Variants in SLC8A1 observed in about 807,000 individuals in gnomAD.
SLC8A1 encodes the protein solute carrier family 8 member A1.
A neutral mutation model predicts 68.3 loss-of-function variants in SLC8A1; 18 were observed. That is an observed-to-expected ratio of 0.26 (90% CI 0.18 to 0.39). The LOEUF (loss-of-function observed/expected upper bound fraction) is 0.39. Among genes scored for constraint, SLC8A1 ranks in the 10% least tolerant of loss-of-function variants. SLC8A1 has a pLI of 1.00. For synonymous variants in SLC8A1, 475 were observed against 415.5 expected (o/e 1.14, Z -1.74); for missense variants, 985 against 1,156.7 (o/e 0.85, Z 2.15).
chr2:40,491,367 G>C (rs1330151186), intron 1 of SLC8A1, among the ~76,000 whole-genome samples: 1 of 152,114 alleles, frequency 6.6e-6, no homozygotes. Flanking sequence ...TTGCTTATCA[G>C]CTTAAGGAGA....
intron 6 of SLC8A1, among the ~76,000 whole-genome samples, chr2:40,159,023 T>C (rs893126780): frequency 1.3e-5 from 2 of 152,154 alleles, no homozygotes; most frequent in East Asian, 3.8e-4. Context: ...TGTTTCCTTG[T>C]TCTTGAGAGT....
intron 2 of SLC8A1, among the ~76,000 whole-genome samples, chr2:40,423,891 T>C (rs1420451353): frequency 2.0e-5 from 3 of 147,180 alleles, no homozygotes; most frequent in African/African-American, 8.1e-5. Flanking sequence ...GCAGATGATA[T>C]TATATGTGAT....
At chr2:40,318,551 C>A (rs1174581533) in intron 2 of SLC8A1, among the ~76,000 whole-genome samples, 2 of 151,838 alleles carry the variant, frequency 1.3e-5, no homozygotes, top group African/African-American at 2.4e-5. Flanking sequence ...GTGATGAAAC[C>A]AGAATCACCT....
intron 7 of SLC8A1, among the ~76,000 whole-genome samples, chr2:40,131,858 A>ATTTTTTTTTTT (rs71404277): frequency 6.3e-5 from 6 of 95,558 alleles, no homozygotes; most frequent in Non-Finnish European, 7.9e-5. Context: ...TTGGTATTCT[A>ATTTTTTTTTTT]TTTTTTTTTT....
At chr2:40,430,194 A>C in exon 2 of SLC8A1, 1 of 1,613,756 alleles carries the variant, frequency 6.2e-7, no homozygotes, top group Non-Finnish European at 8.5e-7. Context: ...CATGGTCCAC[A>C]TGGGAAAATA....
exon 8 of SLC8A1, chr2:40,102,062 C>A: frequency 6.6e-6 from 1 of 152,098 alleles, no homozygotes; most frequent in East Asian, 1.9e-4. Flanking sequence ...GACATTCTTA[C>A]AATGTGGGTA....
chr2:40,291,823 T>C (rs2069380346), intron 2 of SLC8A1, among the ~76,000 whole-genome samples: 1 of 152,148 alleles, frequency 6.6e-6, no homozygotes. Flanking sequence ...TGAGCTAAAA[T>C]GGATGTACTC....
At chr2:40,361,707 G>T (rs1674678090) in intron 2 of SLC8A1, among the ~76,000 whole-genome samples, 1 of 151,814 alleles carries the variant, frequency 6.6e-6, no homozygotes, top group Non-Finnish European at 1.5e-5. Flanking sequence ...AACACACGGA[G>T]GTAGACCAAA....
At chr2:40,406,689 T>C (rs1252767320) in intron 2 of SLC8A1, among the ~76,000 whole-genome samples, 2 of 152,152 alleles carry the variant, frequency 1.3e-5, no homozygotes, top group Non-Finnish European at 2.9e-5. Context: ...GTGTGTGCAG[T>C]GCTGAGAGGT....
chr2:40,232,467 C>A (rs918049726), intron 2 of SLC8A1, among the ~76,000 whole-genome samples: 95 of 149,744 alleles, frequency 6.3e-4, no homozygotes, highest in African/African-American at 2.3e-3. Context: ...TTTCGAATGG[C>A]CTCTATTTAC....
intron 2 of SLC8A1, among the ~76,000 whole-genome samples, chr2:40,262,454 T>A (rs1225382611): frequency 6.6e-6 from 1 of 152,172 alleles, no homozygotes; most frequent in African/African-American, 2.4e-5. Context: ...GTAAATATAG[T>A]CTTTGATCCA....
chr2:40,179,284 C>A (rs1001955710), intron 2 of SLC8A1, among the ~76,000 whole-genome samples: 2 of 152,172 alleles, frequency 1.3e-5, no homozygotes, highest in African/African-American at 4.8e-5. Flanking sequence ...ATGAAACATG[C>A]CATTTACACT....
At chr2:40,160,596 A>G (rs558068230) in intron 6 of SLC8A1, among the ~76,000 whole-genome samples, 169 bp downstream of exon 9, 1 of 152,216 alleles carries the variant, frequency 6.6e-6, no homozygotes, top group Non-Finnish European at 1.5e-5. Flanking sequence ...TCATCTAGAT[A>G]GTCAATTTAG....
At chr2:40,375,766 G>T (rs80157494) in intron 2 of SLC8A1, among the ~76,000 whole-genome samples, 6,653 of 152,178 alleles carry the variant, frequency 0.044, 280 homozygotes, top group African/African-American at 0.11. Context: ...ACTTTGGAAG[G>T]TCAAGGCAGG....
intron 2 of SLC8A1, among the ~76,000 whole-genome samples, chr2:40,266,286 C>A (rs775599905): frequency 2.6e-5 from 4 of 152,158 alleles, no homozygotes; most frequent in Non-Finnish European, 5.9e-5. Context: ...CTGAGCCTAA[C>A]AGGTCCAATC....
exon 8 of SLC8A1, chr2:40,100,526 G>T (rs80297435): frequency 6.6e-6 from 1 of 152,136 alleles, no homozygotes; most frequent in South Asian, 2.1e-4. Context: ...TTCCCGTCAC[G>T]AAGTGGCCAG....
At chr2:40,421,845 C>T (rs1053635640) in intron 2 of SLC8A1, among the ~76,000 whole-genome samples, 10 of 152,196 alleles carry the variant, frequency 6.6e-5, no homozygotes, top group Non-Finnish European at 1.5e-4. Context: ...AGAAAGGGCC[C>T]TGGCTTGGCT....
At chr2:40,381,600 T>A (rs1007489632) in intron 2 of SLC8A1, among the ~76,000 whole-genome samples, 3 of 151,994 alleles carry the variant, frequency 2.0e-5, no homozygotes, top group Non-Finnish European at 4.4e-5. Context: ...TCCTTCATGA[T>A]CTCTGATAAC....
At chr2:40,254,676 T>C (rs1236089459) in intron 2 of SLC8A1, 1 of 152,240 alleles carries the variant, frequency 6.6e-6, no homozygotes, top group African/African-American at 2.4e-5. Flanking sequence ...GCCACTCTAA[T>C]GCTGTCTAGT....
Sources: allele counts gnomAD v4.1 joint callset (sites outside exome capture counted in the v4.1 genomes callset), GRCh38; gene constraint gnomAD v4.1.1; transcripts MANE v1.5; gene names NCBI Gene and HGNC (gene_info 2026-07-23, HGNC 2026-07-21).